The following UACA variants were observed in gnomAD, a reference collection of about 807,000 sequenced individuals.
UACA encodes nuclear membrane binding protein.
UACA carries 112 observed loss-of-function variants against 160.5 expected under a neutral mutation model. That is an observed-to-expected ratio of 0.70 (90% CI 0.60 to 0.82). UACA has a LOEUF of 0.82. Ranked by LOEUF, UACA falls within the 40% of genes least tolerant of loss-of-function variation. UACA has a pLI of 0.00. For synonymous variants in UACA, 557 were observed against 568.4 expected, an observed-to-expected ratio of 0.98 and a Z score of 0.29; for missense variants, 1,574 against 1,614.6, an observed-to-expected ratio of 0.97 and a Z score of 0.43.
upstream of UACA, among the ~76,000 whole-genome samples, chr15:70,766,211 A>G: frequency 6.6e-6 from 1 of 152,248 alleles, no homozygotes; most frequent in East Asian, 1.9e-4. Flanking sequence ...CTAAGTAAAT[A>G]GCACTGGTCT....
Position 70,671,075 on chromosome 15 carries a change from A to C in UACA, c.1185T>G (p.Leu395=). The change falls in exon 15 of 19, where the codon CTT becomes CTG. Residue 395 remains leucine (L), a synonymous_variant. Transcript: ENST00000322954. ...SHFSNRKEDM[L]LKQGQMYMAD... The stretch of plus-strand genomic sequence containing the variant: ...CCATATACATCTGACCTTGTTTAAG[A>C]AGCATATCTTCTTTTCCTAAATAAA... 1 of 1,597,856 alleles carries C rather than the reference A, an allele frequency of 6.3e-7. No individual in the cohort carries two copies. Among genetic ancestry groups the C allele is most frequent in the Non-Finnish European group, 8.5e-7 (1 of 1,170,698 alleles).
intron 8 of UACA, 23 bp downstream of exon 8, chr15:70,684,242 T>C: frequency 6.4e-7 from 1 of 1,572,242 alleles, no homozygotes; most frequent in Non-Finnish European, 8.6e-7. Flanking sequence ...TGGACTTTTC[T>C]AGTTACAGAA....
chr15:70,708,916 T>C (rs1898597443), intron 1 of UACA, among the ~76,000 whole-genome samples: 1 of 152,228 alleles, frequency 6.6e-6, no homozygotes, highest in Non-Finnish European at 1.5e-5. Flanking sequence ...TAGTAAACTA[T>C]TCTCTCAAGT....
chr15:70,674,541 TG>T (rs1176273377), intron 13 of UACA, among the ~76,000 whole-genome samples: 10 of 151,996 alleles, frequency 6.6e-5, no homozygotes, highest in African/African-American at 2.4e-4. Flanking sequence ...TTATGACTAT[TG>T]TAAGTTATAG....
chr15:70,668,043 T>C lies in UACA; in HGVS notation c.2641A>G (p.Arg881Gly). ...TTTTTCTTCACATCTAATAATTCTC[T>C]GTTAGTTTTGGCTAACGTGTCATTC... ...TLNDTLAKTNRELLDVKKKFE... is the reference protein window; with the variant it reads ...TLNDTLAKTNGELLDVKKKFE... Residue 881 changes from arginine to glycine, a missense_variant, in exon 16 of 19, where the codon AGA (arginine) becomes GGA (glycine). Coordinates refer to ENST00000322954, the MANE Select transcript of UACA (RefSeq NM_018003.4). The C allele has an allele frequency of 1.2e-6, 2 of 1,612,390 alleles. No homozygotes were observed. The highest frequency in any genetic ancestry group is 1.7e-6 in the Non-Finnish European group (2 of 1,179,684).
At chr15:70,677,430 A>G (rs1233757871) in intron 11 of UACA, among the ~76,000 whole-genome samples, 5 of 152,172 alleles carry the variant, frequency 3.3e-5, no homozygotes, top group African/African-American at 1.2e-4. Context: ...CCATGGCCCT[A>G]ACTATAGTTC....
chr15:70,748,185 T>C (rs950519717), intron 1 of UACA, among the ~76,000 whole-genome samples: 5 of 152,128 alleles, frequency 3.3e-5, no homozygotes, highest in African/African-American at 1.2e-4. Flanking sequence ...AATGGCTTAA[T>C]ATTTAATTAA....
chr15:70,716,887 T>TAAGC (rs1025371698), intron 1 of UACA, among the ~76,000 whole-genome samples: 128 of 152,304 alleles, frequency 8.4e-4, no homozygotes, highest in African/African-American at 2.4e-3. Flanking sequence ...CAATAAAAAC[T>TAAGC]AAGCAGTTAA....
At chr15:70,754,842 T>A (rs1173531864) in intron 1 of UACA, among the ~76,000 whole-genome samples, 3 of 152,238 alleles carry the variant, frequency 2.0e-5, no homozygotes, top group African/African-American at 7.2e-5. Flanking sequence ...TCTAATGATA[T>A]AAAAGCTATA....
In UACA at chr15:70,666,966, T is replaced by A; in HGVS notation, c.3718A>T (p.Ile1240Phe). The change falls in exon 16 of 19, where the codon ATT becomes TTT. Residue 1240 changes from isoleucine to phenylalanine, a missense_variant. Ile to Phe is a conservative substitution (Grantham distance 21, BLOSUM62 0). Coordinates refer to ENST00000322954, the MANE Select transcript of UACA (RefSeq NM_018003.4). ...GCCAATTTTTCATTTAAGCTAGAAA[T>A]CTGTGTCTCCAAATCACTTTTTGTT... ...KATKSDLETQ[I>F]SSLNEKLANL... The A allele has an allele frequency of 1.2e-6, 2 of 1,612,656 alleles. No individual in the cohort carries two copies. Among genetic ancestry groups the A allele is most frequent in the Non-Finnish European group, 1.7e-6 (2 of 1,179,748 alleles).
intron 3 of UACA, among the ~76,000 whole-genome samples, chr15:70,693,421 TTAAGA>T (rs962842002): frequency 6.6e-6 from 1 of 152,156 alleles, no homozygotes; most frequent in Non-Finnish European, 1.5e-5. Context: ...TAAACAGCAC[TTAAGA>T]TAATACACAT....
At chr15:70,739,438 T>C (rs1470394772) in intron 1 of UACA, among the ~76,000 whole-genome samples, 1 of 152,060 alleles carries the variant, frequency 6.6e-6, no homozygotes, top group African/African-American at 2.4e-5. Flanking sequence ...TCACCCCTAG[T>C]TGAGAACCAC....
chr15:70,657,853 G>C (rs1428821940), intron 18 of UACA, among the ~76,000 whole-genome samples: 1 of 152,002 alleles, frequency 6.6e-6, no homozygotes, highest in Non-Finnish European at 1.5e-5. Flanking sequence ...AGGCCAAGGT[G>C]GGAGGATCAC....
At chr15:70,743,067 T>A (rs571655452) in intron 1 of UACA, among the ~76,000 whole-genome samples, 1 of 152,166 alleles carries the variant, frequency 6.6e-6, no homozygotes, top group East Asian at 1.9e-4. Flanking sequence ...CCTTAAGGTA[T>A]AGGACTGAGG....
At position 70,669,443 on chromosome 15, in the gene UACA, G is replaced by A; in HGVS notation, c.1241C>T (p.Pro414Leu). ...CATAGATCTGCTTTGCATATGGGCTGGTATACCTGGGGAAGTACACTGAAA... is the reference window on the plus strand; with the variant it reads ...CATAGATCTGCTTTGCATATGGGCTAGTATACCTGGGGAAGTACACTGAAA... ...ADSQCTSPGI[P>L]AHMQSRSMLR... The change falls in exon 16 of 19, where the codon CCA (proline) becomes CTA (leucine). Residue 414 changes from proline to leucine, a missense_variant. Physicochemically the swap from Pro to Leu is moderately conservative, Grantham distance 98. Coordinates refer to ENST00000322954, the MANE Select transcript of UACA (RefSeq NM_018003.4). 1 of 1,583,302 alleles carries A rather than the reference G, an allele frequency of 6.3e-7. No individual in the cohort carries two copies. The highest frequency in any genetic ancestry group is 8.6e-7 in the Non-Finnish European group (1 of 1,168,904).
At chr15:70,728,396 T>G (rs1899210158) in intron 1 of UACA, among the ~76,000 whole-genome samples, 1 of 151,768 alleles carries the variant, frequency 6.6e-6, no homozygotes. Context: ...AAACCCCATC[T>G]CTACTAAAAA....
chr15:70,700,400 T>C (rs866845893), intron 1 of UACA, among the ~76,000 whole-genome samples: 2 of 151,552 alleles, frequency 1.3e-5, no homozygotes, highest in East Asian at 1.9e-4. Context: ...AACTTTTACA[T>C]AGAAAAAACT....
intron 7 of UACA, 119 bp from the exon 8 acceptor site, chr15:70,684,565 G>A (rs1897640646): frequency 3.1e-6 from 3 of 982,670 alleles, no homozygotes; most frequent in Non-Finnish European, 4.4e-6. Flanking sequence ...GATTATATAT[G>A]CAACACACAC....
At chr15:70,745,993 TA>T (rs1278750873) in intron 1 of UACA, among the ~76,000 whole-genome samples, 2 of 152,210 alleles carry the variant, frequency 1.3e-5, no homozygotes, top group East Asian at 3.9e-4. Context: ...TCAAGATGAA[TA>T]AAAGATTTAA....
Sources: gnomAD v4.1 joint callset for allele counts (sites outside exome capture counted in the v4.1 genomes callset) on GRCh38, gnomAD v4.1.1 for gene constraint, MANE v1.5 for transcripts, NCBI Gene and HGNC (gene_info 2026-07-23, HGNC 2026-07-21) for gene names.